Variants in SMG1 observed in about 807,000 individuals in gnomAD.
SMG1 encodes the protein serine/threonine-protein kinase SMG1.
In SMG1, 22 loss-of-function variants were observed where a neutral mutation model predicts 419.9. The ratio of observed to expected loss-of-function variants is 0.05; its 90% confidence interval spans 0.04 to 0.07. SMG1 has a LOEUF of 0.07. Ranked by LOEUF, SMG1 falls within the 10% of genes least tolerant of loss-of-function variation. The pLI is 1.00. For missense variants in SMG1, 3,185 were observed against 4,342.0 expected (o/e 0.73, Z 7.49); for synonymous variants, 1,538 against 1,553.5 (o/e 0.99, Z 0.23).
intron 22 of SMG1, among the ~76,000 whole-genome samples, chr16:18,867,110 TTCA>T (rs2035553557): frequency 6.6e-6 from 1 of 152,182 alleles, no homozygotes. Flanking sequence ...AATGATTAAC[TTCA>T]TGTGTTTGAA....
At chr16:18,839,559 T>C (rs747338350) in intron 42 of SMG1, 139 bp downstream of exon 42, 27 of 1,116,768 alleles carry the variant, frequency 2.4e-5, no homozygotes, top group Non-Finnish European at 3.5e-5. Context: ...AACTGTAATA[T>C]TAAACTCAAA....
At chr16:18,820,413 AGGCTGGTCTCAAACTCCT>A (rs981090189) in intron 55 of SMG1, among the ~76,000 whole-genome samples, 4 of 151,878 alleles carry the variant, frequency 2.6e-5, no homozygotes, top group African/African-American at 4.8e-5. Context: ...TATGTTGCCC[AGGCTGGTCTCAAACTCCT>A]GGCCTCAAGC....
rs543861730 is a variant in SMG1, at chr16:18,868,715, G to T, written c.2838C>A (p.Ile946=). ...ATGTGTGAGCTGCGAGACTTCGAAT[G>T]ATACCTGAAAGCAAAGACAACATTC... The part of the protein sequence containing the change: ...AQDTFQTIEG[I]IRSLAAHTLN... The change falls in exon 21 of 63, where the codon ATC becomes ATA. Residue 946 remains isoleucine (I), a synonymous_variant. Transcript: ENST00000446231. 2.1e-4 allele frequency: 215 copies of T among 1,027,962 alleles called. No homozygotes were observed. In the African/African-American group the frequency reaches 2.9e-3, roughly 14 times the overall value. The allele number at this position is 1,027,962 out of a possible 1,614,324, so 63.7% of individuals were successfully genotyped here.
intron 22 of SMG1, among the ~76,000 whole-genome samples, chr16:18,867,980 T>C (rs1275669000): frequency 6.6e-6 from 1 of 152,128 alleles, no homozygotes; most frequent in Non-Finnish European, 1.5e-5. Context: ...AGTGCTGGGA[T>C]TACAGGCGTG....
chr16:18,925,925 G>A (rs1410109676), intron 1 of SMG1, 25 bp downstream of exon 1: 3 of 1,506,622 alleles, frequency 2.0e-6, no homozygotes, highest in East Asian at 2.6e-5. Flanking sequence ...GGAGGTCGGG[G>A]CGGGGTCCCG....
intron 1 of SMG1, among the ~76,000 whole-genome samples, chr16:18,914,314 A>C (rs1477716323): frequency 1.3e-5 from 2 of 152,176 alleles, no homozygotes; most frequent in Non-Finnish European, 2.9e-5. Flanking sequence ...TATCAACAGG[A>C]TATCCAATTC....
intron 4 of SMG1, among the ~76,000 whole-genome samples, chr16:18,891,943 T>C (rs1181235877): frequency 6.6e-6 from 1 of 152,180 alleles, no homozygotes; most frequent in African/African-American, 2.4e-5. Flanking sequence ...GGAACATGCC[T>C]GAAGTCCCAG....
intron 26 of SMG1, 47 bp from the exon 27 acceptor site, chr16:18,859,750 T>C (rs2035114376): frequency 1.3e-6 from 2 of 1,486,010 alleles, no homozygotes; most frequent in Non-Finnish European, 9.1e-7. Flanking sequence ...GCTTTTATTA[T>C]AAATTTTGAT....
intron 56 of SMG1, among the ~76,000 whole-genome samples, chr16:18,818,919 C>T (rs887491394): frequency 5.3e-5 from 8 of 150,556 alleles, no homozygotes; most frequent in African/African-American, 2.0e-4. Flanking sequence ...CAGGTTCAAG[C>T]GATTCCCCTG....
intron 11 of SMG1, 52 bp downstream of exon 11, chr16:18,879,443 T>A: frequency 8.8e-7 from 1 of 1,139,298 alleles, no homozygotes; most frequent in Non-Finnish European, 1.3e-6. Context: ...CATATCGATT[T>A]AAGGGCCTGA....
chr16:18,828,782 T>A (rs1420970677), intron 54 of SMG1, among the ~76,000 whole-genome samples: 1 of 152,228 alleles, frequency 6.6e-6, no homozygotes, highest in African/African-American at 2.4e-5. Context: ...GTGGATCACC[T>A]AGGCTCGGGA....
chr16:18,909,908 A>G (rs1406922220), intron 1 of SMG1, among the ~76,000 whole-genome samples: 1 of 152,028 alleles, frequency 6.6e-6, no homozygotes, highest in East Asian at 1.9e-4. Context: ...CACAAACCCT[A>G]TCTTTTTCTT....
intron 1 of SMG1, among the ~76,000 whole-genome samples, chr16:18,916,440 C>T (rs1382508092): frequency 1.5e-4 from 21 of 140,970 alleles, no homozygotes; most frequent in South Asian, 1.2e-3. Context: ...GCGTGAACCC[C>T]GGGGGGTGGA....
At chr16:18,844,474 TACACACACACACAC>T (rs71141074) in intron 39 of SMG1, among the ~76,000 whole-genome samples, 4 of 4,170 alleles carry the variant, frequency 9.6e-4, no homozygotes, top group African/African-American at 2.7e-3. Context: ...CCCGCCCACC[TACACACACACACAC>T]ACACACACAC....
chr16:18,811,141 ATTCT>A (rs1264077820), intron 62 of SMG1, among the ~76,000 whole-genome samples: 21 of 152,238 alleles, frequency 1.4e-4, no homozygotes, highest in African/African-American at 4.1e-4. Flanking sequence ...TAGATTTTGG[ATTCT>A]TTGAGATTTT....
At chr16:18,829,807 CTGCT>C in intron 53 of SMG1, 52 bp from the exon 54 acceptor site, 3 of 1,511,376 alleles carry the variant, frequency 2.0e-6, no homozygotes, top group Non-Finnish European at 2.7e-6. Flanking sequence ...AGGTAATATG[CTGCT>C]TATTTATAGT....
At chr16:18,916,805 A>G (rs2038000644) in intron 1 of SMG1, among the ~76,000 whole-genome samples, 1 of 152,158 alleles carries the variant, frequency 6.6e-6, no homozygotes. Flanking sequence ...GACAACATGA[A>G]AAGATAACAA....
At chr16:18,904,344 AC>A (rs2037472120) in intron 1 of SMG1, among the ~76,000 whole-genome samples, 2 of 151,446 alleles carry the variant, frequency 1.3e-5, no homozygotes, top group African/African-American at 4.8e-5. Flanking sequence ...AAAACAAAAA[AC>A]AAAAAATGGC....
intron 1 of SMG1, among the ~76,000 whole-genome samples, chr16:18,918,638 T>C (rs1259643062): frequency 6.6e-6 from 1 of 152,164 alleles, no homozygotes; most frequent in East Asian, 1.9e-4. Context: ...AACCTTCACC[T>C]CCTGGGTTCA....
Sources: allele counts gnomAD v4.1 joint callset (sites outside exome capture counted in the v4.1 genomes callset), GRCh38; gene constraint gnomAD v4.1.1; transcripts MANE v1.5; gene names NCBI Gene and HGNC (gene_info 2026-07-23, HGNC 2026-07-21).